The following FHIT variants were observed in gnomAD, a reference collection of about 807,000 sequenced individuals.
FHIT encodes the protein fragile histidine triad diadenosine triphosphatase, also known as bis(5'-adenosyl)-triphosphatase.
A neutral mutation model predicts 17.9 loss-of-function variants in FHIT; 19 were observed. That is an observed-to-expected ratio of 1.06 (90% CI 0.74 to 1.56). The LOEUF (loss-of-function observed/expected upper bound fraction) is 1.56, where lower values mean the gene tolerates loss of function less well. FHIT is among the 40% of genes most tolerant of loss of function. The probability of loss-of-function intolerance (pLI) is 0.00; values close to 1 mark genes in which losing one functional copy is unlikely to be tolerated. For missense variants in FHIT, 248 were observed against 189.2 expected (o/e 1.31, Z -1.82); for synonymous variants, 81 against 69.7 (o/e 1.16, Z -0.81).
At chr3:60,304,802 G>A (rs879563812) in intron 5 of FHIT, among the ~76,000 whole-genome samples, 9 of 152,034 alleles carry the variant, frequency 5.9e-5, no homozygotes, top group Non-Finnish European at 8.8e-5. Context: ...TCAATTCTCA[G>A]TATCTAACTT....
chr3:59,965,196 A>C (rs2107359857), intron 7 of FHIT, among the ~76,000 whole-genome samples: 1 of 152,244 alleles, frequency 6.6e-6, no homozygotes, highest in Middle Eastern at 3.4e-3. Context: ...ATTACTTTCT[A>C]AATTTGTAGG....
chr3:60,439,549 T>C (rs1358930248), intron 5 of FHIT, among the ~76,000 whole-genome samples: 1 of 151,970 alleles, frequency 6.6e-6, no homozygotes, highest in African/African-American at 2.4e-5. Flanking sequence ...ATCAGATGGA[T>C]GACATCCTGA....
intron 3 of FHIT, among the ~76,000 whole-genome samples, chr3:60,849,206 G>T (rs1703043572): frequency 6.6e-6 from 1 of 151,934 alleles, no homozygotes; most frequent in Admixed American, 6.6e-5. Context: ...AGAAAGGGAA[G>T]AGAAGGGAGA....
At chr3:60,617,345 T>G (rs781981837) in intron 4 of FHIT, 2 of 200,304 alleles carry the variant, frequency 1.0e-5, no homozygotes, top group Non-Finnish European at 2.2e-5. Context: ...CTCAGCTGGA[T>G]TTACCTGTAA....
intron 4 of FHIT, among the ~76,000 whole-genome samples, chr3:60,770,627 A>C (rs1553722826): frequency 6.6e-6 from 1 of 152,224 alleles, no homozygotes; most frequent in Non-Finnish European, 1.5e-5. Context: ...AATCCTTCGT[A>C]TCCTAGATGT....
intron 8 of FHIT, among the ~76,000 whole-genome samples, chr3:59,921,974 C>G (rs1186017970): frequency 6.6e-6 from 1 of 152,138 alleles, no homozygotes; most frequent in African/African-American, 2.4e-5. Context: ...TTAAGTGTAG[C>G]ATTTGACTAA....
chr3:60,523,853 C>G (rs747032723), intron 5 of FHIT, among the ~76,000 whole-genome samples: 1 of 152,148 alleles, frequency 6.6e-6, no homozygotes, highest in Non-Finnish European at 1.5e-5. Flanking sequence ...AAGCAGGCCA[C>G]TTTGGAATGA....
intron 5 of FHIT, among the ~76,000 whole-genome samples, chr3:60,312,365 C>T (rs1212872452): frequency 6.6e-6 from 1 of 152,052 alleles, no homozygotes; most frequent in Non-Finnish European, 1.5e-5. Context: ...TGGTCTCGAA[C>T]TCCTGAGCAC....
At chr3:60,210,434 G>C (rs1703395097) in intron 5 of FHIT, among the ~76,000 whole-genome samples, 1 of 151,976 alleles carries the variant, frequency 6.6e-6, no homozygotes, top group African/African-American at 2.4e-5. Context: ...AAAGTAATAA[G>C]GAAAAACATG....
chr3:60,927,483 C>T (rs1707692706), intron 3 of FHIT, among the ~76,000 whole-genome samples: 1 of 151,206 alleles, frequency 6.6e-6, no homozygotes. Flanking sequence ...CCTGGCCACC[C>T]AGTCTGGGAA....
intron 5 of FHIT, among the ~76,000 whole-genome samples, chr3:60,473,495 G>A (rs2033190929): frequency 6.6e-6 from 1 of 152,110 alleles, no homozygotes; most frequent in African/African-American, 2.4e-5. Flanking sequence ...GGAGAAGGGA[G>A]AAAAATATTG....
rs533785405 is a variant in FHIT at position 60,876,798 on chromosome 3, A to G, written c.-110-54787T>C. Among the ~76,000 whole-genome samples the G allele has an allele frequency of 7.0e-4, 107 of 152,314 alleles. 1 individual carries two copies. The South Asian group carries it at 1.0e-2, about 14-fold the overall frequency. ...TGACAGCCAAAACAATGAATAAACA[A>G]CTACACTTTAATGTACATAACTGAA... On this transcript the variant is annotated intron_variant, in intron 3 of 9. Transcript: ENST00000492590.
rs1399789622 is a variant in FHIT at position 59,827,559 on chromosome 3, C to CGTAA, written c.349-75239_349-75238insTTAC. Among the ~76,000 whole-genome samples, 3 of 152,304 alleles carry CGTAA rather than the reference C, an allele frequency of 2.0e-5. No homozygotes were observed. The East Asian group carries it at 5.8e-4, about 29-fold the overall frequency. ...GCGAGCAGCTATGCTAAGTGCTTTA[C>CGTAA]AGGCACATATCACTTAATCATTAAC... is the stretch of plus-strand genomic sequence containing the variant. On this transcript the variant is annotated intron_variant, in intron 8 of 9. Coordinates refer to ENST00000492590, the MANE Select transcript of FHIT (RefSeq NM_002012.4).
At chr3:60,623,930 G>A (rs35245111) in intron 4 of FHIT, among the ~76,000 whole-genome samples, 16,040 of 152,168 alleles carry the variant, frequency 0.11, 1,105 homozygotes, top group Non-Finnish European at 0.15. Context: ...CAGGCACTGT[G>A]CTATACAACG....
At chr3:60,982,030 G>A (rs931077413) in intron 3 of FHIT, among the ~76,000 whole-genome samples, 3 of 152,166 alleles carry the variant, frequency 2.0e-5, no homozygotes, top group Non-Finnish European at 4.4e-5. Flanking sequence ...TCTTACCTGG[G>A]CCTCTACCAC....
intron 8 of FHIT, among the ~76,000 whole-genome samples, chr3:59,793,159 C>T (rs1165968460): frequency 1.3e-5 from 2 of 152,062 alleles, no homozygotes; most frequent in African/African-American, 4.8e-5. Context: ...TCCCCCTGAC[C>T]CCTTAAAAAT....
intron 4 of FHIT, among the ~76,000 whole-genome samples, chr3:60,656,983 A>C (rs547476969): frequency 2.1e-4 from 32 of 151,452 alleles, no homozygotes; most frequent in African/African-American, 6.3e-4. Context: ...TGTCCACACA[A>C]AAAAAAACAT....
At chr3:60,264,956 C>T (rs376676269) in intron 5 of FHIT, among the ~76,000 whole-genome samples, 5 of 151,900 alleles carry the variant, frequency 3.3e-5, no homozygotes, top group African/African-American at 9.6e-5. Flanking sequence ...TCTATGTCTG[C>T]GCTTTACACA....
chr3:60,664,084 G>A (rs1474534275), intron 4 of FHIT, among the ~76,000 whole-genome samples: 2 of 152,062 alleles, frequency 1.3e-5, no homozygotes, highest in Non-Finnish European at 2.9e-5. Flanking sequence ...CTAATCTCAG[G>A]GATGCTCTTT....
Sources: gnomAD v4.1 joint callset for allele counts (sites outside exome capture counted in the v4.1 genomes callset) on GRCh38, gnomAD v4.1.1 for gene constraint, MANE v1.5 for transcripts, NCBI Gene and HGNC (gene_info 2026-07-23, HGNC 2026-07-21) for gene names.